Variants in WDFY3 observed in about 807,000 individuals in gnomAD.
WDFY3 encodes the protein WD repeat and FYVE domain-containing protein 3.
Under a neutral mutation model 409.6 loss-of-function variants are expected in WDFY3, and 66 were observed. That is an observed-to-expected ratio of 0.16 (90% CI 0.13 to 0.20). The LOEUF (loss-of-function observed/expected upper bound fraction) is 0.20, where lower values mean the gene tolerates loss of function less well. Ranked by LOEUF, WDFY3 falls within the 10% of genes least tolerant of loss-of-function variation. The pLI is 1.00. For synonymous variants in WDFY3, 1,521 were observed against 1,537.1 expected (o/e 0.99, Z 0.25); for missense variants, 3,031 against 4,298.1 (o/e 0.71, Z 8.24).
At position 84,879,836 on chromosome 4, in the gene WDFY3, C is replaced by A. The variant is rs1390819578; in HGVS notation, c.-32+17075G>T. Among the ~76,000 whole-genome samples the A allele has an allele frequency of 2.6e-5, 4 of 152,208 alleles. No homozygotes were observed. The East Asian group carries it at 7.7e-4, about 29-fold the overall frequency. On this transcript the variant is annotated intron_variant, in intron 3 of 67. Transcript: ENST00000295888. ...ATGAACAAAAGACAAATAGGCATTTCACAGAAAAGGAAACATGAATGGCCA... is the reference window on the plus strand; with the variant it reads ...ATGAACAAAAGACAAATAGGCATTTAACAGAAAAGGAAACATGAATGGCCA...
chr4:84,850,355 G>A (rs1362230108), intron 4 of WDFY3, among the ~76,000 whole-genome samples: 1 of 151,814 alleles, frequency 6.6e-6, no homozygotes, highest in Non-Finnish European at 1.5e-5. Context: ...TTCTCACTCT[G>A]TCGCCTAGGC....
chr4:84,726,364 A>G (rs934797072), intron 45 of WDFY3, among the ~76,000 whole-genome samples: 4 of 152,098 alleles, frequency 2.6e-5, no homozygotes, highest in Non-Finnish European at 5.9e-5. Context: ...TAACTTTTCT[A>G]CTAATTAAAA....
At chr4:84,749,554 C>A (rs1323039215) in intron 36 of WDFY3, among the ~76,000 whole-genome samples, 1 of 152,118 alleles carries the variant, frequency 6.6e-6, no homozygotes, top group Non-Finnish European at 1.5e-5. Flanking sequence ...AACATCATTT[C>A]CTTCAACCTA....
intron 3 of WDFY3, among the ~76,000 whole-genome samples, chr4:84,896,215 C>G (rs1765611729): frequency 6.6e-6 from 1 of 151,974 alleles, no homozygotes; most frequent in Non-Finnish European, 1.5e-5. Context: ...GAGATTGTGC[C>G]ACTACACTCC....
chr4:84,750,662 T>C (rs1156819113), intron 36 of WDFY3, among the ~76,000 whole-genome samples: 1 of 152,228 alleles, frequency 6.6e-6, no homozygotes, highest in Non-Finnish European at 1.5e-5. Context: ...ACTAATTACA[T>C]TGTATTAAAT....
intron 27 of WDFY3, among the ~76,000 whole-genome samples, chr4:84,777,298 G>GGT: frequency 6.6e-6 from 1 of 151,952 alleles, no homozygotes; most frequent in Non-Finnish European, 1.5e-5. Context: ...GAGACCGTCA[G>GGT]CCTAGGTAAG....
chr4:84,678,930 C>T lies in WDFY3; in HGVS notation c.10136G>A (p.Arg3379Lys). The T allele has an allele frequency of 6.2e-7, 1 of 1,610,984 alleles. No homozygotes were observed. The highest frequency in any genetic ancestry group is 1.3e-5 in the African/African-American group (1 of 74,924). The change falls in exon 65 of 68, where the codon AGA becomes AAA. Residue 3379 changes from arginine (R) to lysine (K), a missense_variant. This residue lies in a region of WDFY3 where 378 missense variants were observed against 477.3 expected (regional missense o/e 0.79). Transcript: ENST00000295888. ...AGACTTCAAGTTACCAGGTTTCAATCTGCTGTAATTCCGCACCTCAATGGG... is the reference window on the plus strand; with the variant it reads ...AGACTTCAAGTTACCAGGTTTCAATTTGCTGTAATTCCGCACCTCAATGGG... ...PNPIEVRNYS[R>K]LKPGYRWERQ...
In WDFY3 at chr4:84,765,840, C is replaced by T. The variant is rs1447965914; in HGVS notation, c.5158G>A (p.Val1720Ile). ...GGGWLEQTDSVLTNKIGTVLG... is the reference protein window; with the variant it reads ...GGGWLEQTDSILTNKIGTVLG... ...ACAGTTCCAATCTTATTAGTTAAGA[C>T]AGAATCTGTCTGTTCAAGCCATCCT... The change falls in exon 32 of 68, where the codon GTC becomes ATC. Residue 1720 changes from valine to isoleucine, a missense_variant. By Grantham distance (29) the Val-to-Ile change is conservative. This residue lies in a region of WDFY3 where 342 missense variants were observed against 463.7 expected (regional missense o/e 0.74). Transcript: ENST00000295888. 1 of 1,613,880 alleles carries T rather than the reference C, an allele frequency of 6.2e-7. No individual in the cohort carries two copies. The highest frequency in any genetic ancestry group is 8.5e-7 in the Non-Finnish European group (1 of 1,179,918).
At chr4:84,965,010 C>T (rs1450385250) in intron 1 of WDFY3, among the ~76,000 whole-genome samples, 1 of 152,168 alleles carries the variant, frequency 6.6e-6, no homozygotes, top group Non-Finnish European at 1.5e-5. Flanking sequence ...AACATACCAA[C>T]CTAATTCCTA....
At chr4:84,705,611 G>A (rs1042356516) in intron 53 of WDFY3, 100 bp from the exon 54 acceptor site, 5 of 940,714 alleles carry the variant, frequency 5.3e-6, no homozygotes, top group African/African-American at 3.3e-5. Flanking sequence ...ATTTATAAAC[G>A]CACTAGTATC....
chr4:84,805,556 T>TA (rs1297797373), intron 15 of WDFY3, among the ~76,000 whole-genome samples: 1 of 152,190 alleles, frequency 6.6e-6, no homozygotes, highest in Admixed American at 6.5e-5. Flanking sequence ...ATTAAATGGC[T>TA]AATTCCCAAG....
Position 84,817,544 on chromosome 4 carries a change from T to G in WDFY3, c.1735A>C (p.Ile579Leu). 6.2e-7 allele frequency: 1 copy of G among 1,613,146 alleles called. No homozygotes were observed. Among genetic ancestry groups the G allele is most frequent in the Non-Finnish European group, 8.5e-7 (1 of 1,179,582 alleles). Residue 579 changes from isoleucine to leucine, a missense_variant, in exon 13 of 68, where the codon ATA (isoleucine) becomes CTA (leucine). Coordinates refer to ENST00000295888, the MANE Select transcript of WDFY3 (RefSeq NM_014991.6). Reference sequence around the variant, plus strand: ...TGCCGGCATTGAGGGTACTTTACTATATTATGTGCACATCTTGCACCTCCA... The same window carrying G: ...TGCCGGCATTGAGGGTACTTTACTAGATTATGTGCACATCTTGCACCTCCA... ...EFGGARCAHN[I>L]VKYPQCRQHA...
chr4:84,845,562 T>C (rs1346573351), intron 5 of WDFY3, among the ~76,000 whole-genome samples: 5 of 152,032 alleles, frequency 3.3e-5, no homozygotes, highest in Admixed American at 6.6e-5. Context: ...GTTAAGAGGG[T>C]AGATCCCATA....
chr4:84,929,875 C>T (rs901625372), intron 2 of WDFY3, among the ~76,000 whole-genome samples: 2 of 151,730 alleles, frequency 1.3e-5, no homozygotes, highest in Non-Finnish European at 2.9e-5. Flanking sequence ...CGCACCACTG[C>T]ACTCCAGCCT....
chr4:84,948,669 T>C (rs567276755), intron 1 of WDFY3, among the ~76,000 whole-genome samples: 1 of 152,202 alleles, frequency 6.6e-6, no homozygotes, highest in South Asian at 2.1e-4. Flanking sequence ...ATGCCTACCC[T>C]GTTCTACTCC....
chr4:84,866,938 A>G (rs762011343), intron 3 of WDFY3, among the ~76,000 whole-genome samples: 3 of 152,226 alleles, frequency 2.0e-5, no homozygotes, highest in Non-Finnish European at 4.4e-5. Context: ...TAACATGTCT[A>G]AAATATTCTT....
At chr4:84,741,220 G>A (rs1333029055) in intron 38 of WDFY3, among the ~76,000 whole-genome samples, 1 of 152,002 alleles carries the variant, frequency 6.6e-6, no homozygotes, top group African/African-American at 2.4e-5. Flanking sequence ...ATCTATCTGG[G>A]TAGCAAAGAA....
intron 5 of WDFY3, 103 bp downstream of exon 5, chr4:84,849,799 G>A: frequency 6.8e-7 from 1 of 1,478,296 alleles, no homozygotes; most frequent in Non-Finnish European, 9.2e-7. Context: ...TGAACTCAAT[G>A]TGCTGAGAAC....
At chr4:84,701,654 C>A in intron 56 of WDFY3, among the ~76,000 whole-genome samples, 1 of 152,172 alleles carries the variant, frequency 6.6e-6, no homozygotes, top group African/African-American at 2.4e-5. Context: ...TTCCAAGAAA[C>A]TGTAACCAAA....
Sources: gnomAD v4.1 joint callset for allele counts (sites outside exome capture counted in the v4.1 genomes callset) on GRCh38, gnomAD v4.1.1 for gene constraint, gnomAD v4.1.1 regional missense constraint, MANE v1.5 for transcripts, NCBI Gene and HGNC (gene_info 2026-07-23, HGNC 2026-07-21) for gene names.